ZDHHC15: variants seen among roughly 807,000 people sequenced by gnomAD.
The protein encoded by ZDHHC15 is palmitoyltransferase ZDHHC15.
A neutral mutation model predicts 31.7 loss-of-function variants in ZDHHC15; 19 were observed. That is an observed-to-expected ratio of 0.60 (90% CI 0.42 to 0.88). The LOEUF (loss-of-function observed/expected upper bound fraction) is 0.88, where lower values mean the gene tolerates loss of function less well. ZDHHC15 is among the 40% of genes least tolerant of loss of function. The pLI, the probability that ZDHHC15 is intolerant of heterozygous loss-of-function variation, is 0.00. For synonymous variants in ZDHHC15, 103 were observed against 90.0 expected (o/e 1.14, Z -0.82); for missense variants, 209 against 251.2 (o/e 0.83, Z 1.14).
chrX:75,492,430 C>G (rs1391540808), intron 2 of ZDHHC15, among the ~76,000 whole-genome samples: 1 of 111,167 alleles, frequency 9.0e-6, no homozygotes, highest in Non-Finnish European at 1.9e-5. Context: ...ACCAAGCGGA[C>G]CTAATAGACA....
intron 3 of ZDHHC15, among the ~76,000 whole-genome samples, chrX:75,451,324 C>T (rs1329707947): frequency 1.8e-5 from 2 of 111,994 alleles, no homozygotes; most frequent in African/African-American, 6.5e-5. Context: ...ATTAACCATG[C>T]TTACCAAGTT....
At chrX:75,517,380 A>G (rs1430032710) in intron 1 of ZDHHC15, among the ~76,000 whole-genome samples, 2 of 110,614 alleles carry the variant, frequency 1.8e-5, no homozygotes, top group Non-Finnish European at 3.8e-5. Flanking sequence ...AATGTGGCAC[A>G]TATACACCAT....
chrX:75,404,859 C>G lies in ZDHHC15; in HGVS notation c.967+12228G>C, dbSNP rs1200908193. 2.7e-5 allele frequency among the ~76,000 whole-genome samples: 3 copies of G among 111,675 alleles called. No individual in the cohort carries two copies. In the Admixed American group the frequency reaches 2.8e-4, roughly 11 times the overall value. On this transcript the variant is annotated intron_variant, in intron 10 of 11. Coordinates refer to ENST00000373367, the MANE Select transcript of ZDHHC15 (RefSeq NM_144969.3). The stretch of plus-strand genomic sequence containing the variant: ...CTAAAAGCAGAACTACCATTTCACC[C>G]AGCAATCCTGTTACTGGGTATATAC...
chrX:75,411,651 C>A (rs980304383), intron 10 of ZDHHC15, among the ~76,000 whole-genome samples: 1 of 111,936 alleles, frequency 8.9e-6, no homozygotes, highest in Non-Finnish European at 1.9e-5. Flanking sequence ...ATCACATGTA[C>A]CCCTTAAATA....
intron 2 of ZDHHC15, among the ~76,000 whole-genome samples, chrX:75,493,222 G>T (rs1298711793): frequency 2.7e-5 from 3 of 111,510 alleles, no homozygotes; most frequent in Non-Finnish European, 5.6e-5. Context: ...ATCCTCCCAA[G>T]ACTAAACCAG....
At chrX:75,465,863 C>A (rs1280599266) in intron 3 of ZDHHC15, among the ~76,000 whole-genome samples, 1 of 111,237 alleles carries the variant, frequency 9.0e-6, no homozygotes, top group African/African-American at 3.3e-5. Context: ...AAAATCCAGG[C>A]AATACTATTC....
intron 2 of ZDHHC15, among the ~76,000 whole-genome samples, chrX:75,495,667 A>G (rs1245394143): frequency 4.6e-5 from 5 of 108,367 alleles, no homozygotes; most frequent in Non-Finnish European, 7.6e-5. Flanking sequence ...CATTCTCAGC[A>G]AACTATCACA....
At chrX:75,407,459 G>A (rs1465647012) in intron 10 of ZDHHC15, among the ~76,000 whole-genome samples, 43 of 106,921 alleles carry the variant, frequency 4.0e-4, no homozygotes, top group African/African-American at 1.2e-3. Flanking sequence ...GCCCCCGCCC[G>A]GTCAGCCACC....
chrX:75,429,087 T>A lies in ZDHHC15; in HGVS notation c.594A>T (p.Lys198Asn). 1 of 1,208,650 alleles carries A rather than the reference T, an allele frequency of 8.3e-7. No individual in the cohort carries two copies. The highest frequency in any genetic ancestry group is 1.1e-6 in the Non-Finnish European group (1 of 894,336). ...IATTVFSYFI[K>N]YWRGELPSVR... The stretch of plus-strand genomic sequence containing the variant: ...GATATTTTTAACTTACTCTCCAGTA[T>A]TTGATGAAATAGCTGAAGACTGTCG... The change falls in exon 7 of 12, where the codon AAA becomes AAT. Residue 198 changes from lysine (K) to asparagine (N), a missense_variant. By Grantham distance (94) the Lys-to-Asn change is moderately conservative (BLOSUM62 0). Transcript: ENST00000373367.
intron 11 of ZDHHC15, among the ~76,000 whole-genome samples, chrX:75,377,928 T>C (rs1349352968): frequency 1.8e-5 from 2 of 111,926 alleles, no homozygotes; most frequent in Non-Finnish European, 3.8e-5. Flanking sequence ...AAAGTAGTAG[T>C]GTTTCCCCTA....
At position 75,485,024 on chromosome X, in the gene ZDHHC15, C is replaced by T. The variant is rs1041704204; in HGVS notation, c.164-6039G>A. On this transcript the variant is annotated intron_variant, in intron 2 of 11. Transcript: ENST00000373367. ...TATGGGAAAGGTAAAACTAAAGGGA[C>T]AGAAAACAGATCAGCAGTTGTCAGG... 1.2e-4 allele frequency among the ~76,000 whole-genome samples: 13 copies of T among 111,439 alleles called. No homozygotes were observed. In the East Asian group the frequency reaches 1.7e-3, roughly 15 times the overall value.
rs1423736818 is a variant in ZDHHC15, at chrX:75,475,670, CT to C, written c.258+3220del. On this transcript the variant is annotated intron_variant, in intron 3 of 11. Transcript: ENST00000373367. ...GGAAGTGTGAAGCTACAACTTTGTT[CT>C]TTTTCAAGATTGTTTTTGGTATGTG... 1.2e-3 allele frequency among the ~76,000 whole-genome samples: 136 copies of C among 111,759 alleles called. 1 individual carries two copies. The highest frequency in any genetic ancestry group is 4.4e-3 in the African/African-American group (134 of 30,777).
At position 75,369,510 on chromosome X, in the gene ZDHHC15, G is replaced by A. The variant is rs902098028; in HGVS notation, c.*3468C>T. 3 of 111,626 alleles carry A rather than the reference G, an allele frequency of 2.7e-5. No individual in the cohort carries two copies. The highest frequency in any genetic ancestry group is 9.8e-5 in the African/African-American group (3 of 30,663). 9.2% of individuals were successfully genotyped at this position (111,626 alleles called of 1,213,427 possible). On this transcript the variant is annotated 3_prime_UTR_variant, in exon 12 of 12. Transcript: ENST00000373367. ...TTCTTAAAACTTACTTGCTAGGATTGTGCTTAAATCTCCATTAACCTCAAT... is the reference window on the plus strand; with the variant it reads ...TTCTTAAAACTTACTTGCTAGGATTATGCTTAAATCTCCATTAACCTCAAT...
intron 8 of ZDHHC15, among the ~76,000 whole-genome samples, chrX:75,423,145 G>T (rs1323887046): frequency 9.2e-6 from 1 of 108,368 alleles, no homozygotes; most frequent in Admixed American, 9.9e-5. Flanking sequence ...GCTTACTGAG[G>T]AGCTGCAGCC....
At chrX:75,457,811 A>T (rs1333153882) in intron 3 of ZDHHC15, among the ~76,000 whole-genome samples, 1 of 111,628 alleles carries the variant, frequency 9.0e-6, no homozygotes, top group African/African-American at 3.3e-5. Flanking sequence ...AACAATACAA[A>T]AACTATTTAC....
chrX:75,385,211 G>C (rs1445659199), intron 10 of ZDHHC15, among the ~76,000 whole-genome samples: 2 of 111,655 alleles, frequency 1.8e-5, no homozygotes, highest in Non-Finnish European at 3.8e-5. Flanking sequence ...GATGTGAAAG[G>C]CCTCTCATCT....
At chrX:75,392,510 AC>A (rs2083256381) in intron 10 of ZDHHC15, among the ~76,000 whole-genome samples, 1 of 112,001 alleles carries the variant, frequency 8.9e-6, no homozygotes, top group Admixed American at 9.5e-5. Context: ...TCACAAGTCT[AC>A]CTTTTGTCAA....
chrX:75,437,125 C>T (rs897003003), intron 4 of ZDHHC15, among the ~76,000 whole-genome samples: 2 of 111,031 alleles, frequency 1.8e-5, no homozygotes, highest in African/African-American at 6.6e-5. Context: ...TCGTGATCCG[C>T]CCGCCCCGGC....
chrX:75,446,227 C>T (rs916444895), intron 4 of ZDHHC15, among the ~76,000 whole-genome samples: 6 of 111,661 alleles, frequency 5.4e-5, no homozygotes, highest in Admixed American at 1.9e-4. Context: ...TTTAATGTTG[C>T]AGCTCAGGGA....
Sources: gnomAD v4.1 joint callset for allele counts (sites outside exome capture counted in the v4.1 genomes callset) on GRCh38, gnomAD v4.1.1 for gene constraint, MANE v1.5 for transcripts, NCBI Gene and HGNC (gene_info 2026-07-23, HGNC 2026-07-21) for gene names.